KIAA1958: variants seen among roughly 807,000 people sequenced by gnomAD.
KIAA1958 encodes KIAA1958, also known as uncharacterized protein KIAA1958.
A neutral mutation model predicts 47.2 loss-of-function variants in KIAA1958; 14 were observed. The ratio of observed to expected loss-of-function variants is 0.30; its 90% CI spans 0.20 to 0.46. The LOEUF (loss-of-function observed/expected upper bound fraction) is 0.46. Among genes scored for constraint, KIAA1958 ranks in the 20% least tolerant of loss-of-function variants. The probability of loss-of-function intolerance (pLI) is 1.00; values close to 1 mark genes in which losing one functional copy is unlikely to be tolerated. For missense variants in KIAA1958, 803 were observed against 909.2 expected, an observed-to-expected ratio of 0.88 and a Z score of 1.50; for synonymous variants, 354 against 353.3, an observed-to-expected ratio of 1.00 and a Z score of -0.02.
chr9:112,629,135 G>T (rs1305809708), intron 2 of KIAA1958, among the ~76,000 whole-genome samples: 5 of 152,060 alleles, frequency 3.3e-5, no homozygotes, highest in African/African-American at 9.7e-5. Context: ...TCCCTTGGAA[G>T]TTAATTGGGA....
At chr9:112,625,071 C>G (rs1468617018) in intron 2 of KIAA1958, among the ~76,000 whole-genome samples, 3 of 152,140 alleles carry the variant, frequency 2.0e-5, no homozygotes, top group Non-Finnish European at 4.4e-5. Flanking sequence ...AGCTGCTGTT[C>G]CCTCTGGAAT....
intron 1 of KIAA1958, among the ~76,000 whole-genome samples, chr9:112,553,159 G>GCCCTCTC (rs200593191): frequency 1.8e-5 from 1 of 54,210 alleles, no homozygotes; most frequent in Non-Finnish European, 3.3e-5. Flanking sequence ...CCCCTCCCCT[G>GCCCTCTC]CCCTCTCCCC....
chr9:112,495,597 T>G (rs1834039808), intron 1 of KIAA1958, among the ~76,000 whole-genome samples: 1 of 152,230 alleles, frequency 6.6e-6, no homozygotes. Context: ...TGTAAAGTGG[T>G]ACAGCAATTT....
intron 2 of KIAA1958, among the ~76,000 whole-genome samples, chr9:112,585,264 C>T (rs1046613129): frequency 3.3e-5 from 5 of 152,156 alleles, no homozygotes; most frequent in Non-Finnish European, 7.4e-5. Context: ...AGCAGACAAA[C>T]CAACAACTTC....
chr9:112,518,725 A>G (rs1180093537), intron 1 of KIAA1958, among the ~76,000 whole-genome samples: 1 of 152,202 alleles, frequency 6.6e-6, no homozygotes, highest in Non-Finnish European at 1.5e-5. Context: ...AATTCATTGT[A>G]TTTCAATTAT....
At chr9:112,613,021 T>C (rs1166224682) in intron 2 of KIAA1958, among the ~76,000 whole-genome samples, 1 of 152,206 alleles carries the variant, frequency 6.6e-6, no homozygotes, top group Non-Finnish European at 1.5e-5. Context: ...ATAGGATGTA[T>C]AGTATGTTCC....
chr9:112,539,692 C>CG (rs1323569542), intron 1 of KIAA1958, among the ~76,000 whole-genome samples: 1 of 150,338 alleles, frequency 6.7e-6, no homozygotes, highest in Non-Finnish European at 1.5e-5. Flanking sequence ...ATTTTTTTTG[C>CG]GGGGGTGGGG....
At chr9:112,541,071 C>T (rs1215903691) in intron 1 of KIAA1958, among the ~76,000 whole-genome samples, 1 of 151,876 alleles carries the variant, frequency 6.6e-6, no homozygotes, top group Non-Finnish European at 1.5e-5. Flanking sequence ...CTTTTTGATC[C>T]ATTACTTTTT....
rs1175935190 is a variant in KIAA1958, at chr9:112,664,072, C to A, written c.*4003C>A. 6.6e-6 allele frequency: 1 copy of A among 152,266 alleles called. No individual in the cohort carries two copies. Among genetic ancestry groups the A allele is most frequent in the Non-Finnish European group, 1.5e-5 (1 of 68,042 alleles). 9.4% of individuals were successfully genotyped at this position (152,266 alleles called of 1,614,324 possible). A position where few individuals can be genotyped will look rare whatever the true frequency, so the allele number is the denominator to read the frequency against. On this transcript the variant is annotated 3_prime_UTR_variant, in exon 4 of 4. Coordinates refer to ENST00000337530, the MANE Select transcript of KIAA1958 (RefSeq NM_133465.4). ...TGGGATGGATCGTCTTCACGGTGAA[C>A]CGTGTTACACTTCTGCAATTCCTCA... is the stretch of plus-strand genomic sequence containing the variant.
chr9:112,492,726 T>C (rs1400027214), intron 1 of KIAA1958, among the ~76,000 whole-genome samples: 1 of 152,216 alleles, frequency 6.6e-6, no homozygotes, highest in Non-Finnish European at 1.5e-5. Context: ...AAATGCTTTA[T>C]TTTTAATGAC....
intron 2 of KIAA1958, among the ~76,000 whole-genome samples, chr9:112,629,870 A>G (rs929272238): frequency 6.6e-6 from 1 of 152,220 alleles, no homozygotes; most frequent in African/African-American, 2.4e-5. Context: ...TGCTTGAGTC[A>G]CAGTGTTTTG....
chr9:112,576,900 A>G (rs139862441), intron 2 of KIAA1958, among the ~76,000 whole-genome samples: 1 of 152,180 alleles, frequency 6.6e-6, no homozygotes, highest in Admixed American at 6.5e-5. Flanking sequence ...TTTGTATTTA[A>G]CTTTTTGAGG....
At chr9:112,649,815 TATC>T (rs1837030468) in intron 3 of KIAA1958, among the ~76,000 whole-genome samples, 1 of 152,172 alleles carries the variant, frequency 6.6e-6, no homozygotes, top group African/African-American at 2.4e-5. Context: ...TGAAGGAATT[TATC>T]ATCAGCAGAT....
intron 1 of KIAA1958, among the ~76,000 whole-genome samples, chr9:112,560,321 C>T (rs915030402): frequency 1.3e-5 from 2 of 151,484 alleles, no homozygotes; most frequent in South Asian, 4.2e-4. Context: ...CTCCCTCAGC[C>T]TCTCGAGTAG....
chr9:112,599,796 C>T (rs969812095), intron 2 of KIAA1958, among the ~76,000 whole-genome samples: 3 of 152,166 alleles, frequency 2.0e-5, no homozygotes, highest in Admixed American at 1.3e-4. Flanking sequence ...GGCAGCAGCT[C>T]ACTATGTATT....
intron 1 of KIAA1958, among the ~76,000 whole-genome samples, chr9:112,549,660 AG>A (rs1564168498): frequency 2.0e-5 from 3 of 152,242 alleles, no homozygotes; most frequent in Admixed American, 2.0e-4. Flanking sequence ...ATAGGGCTCC[AG>A]GGAAGCAATG....
rs1163496375 is a variant in KIAA1958 at position 112,660,002 on chromosome 9, A to T, written c.2084A>T (p.Glu695Val). ...LAKKVKLENC[E>V]NFTFVSFTQV... ...AAGAAGGTCAAGCTGGAAAACTGTG[A>T]GAACTTCACCTTTGTCTCGTTCACT... The change falls in exon 4 of 4, where the codon GAG becomes GTG. Residue 695 changes from glutamate to valine, a missense_variant. Glu to Val is a moderately radical substitution (Grantham distance 121, BLOSUM62 -2). Coordinates refer to ENST00000337530, the MANE Select transcript of KIAA1958 (RefSeq NM_133465.4). 2 of 1,614,082 alleles carry T rather than the reference A, an allele frequency of 1.2e-6. No individual in the cohort carries two copies. The highest frequency in any genetic ancestry group is 1.7e-6 in the Non-Finnish European group (2 of 1,180,046).
rs971440760 is a variant in KIAA1958, at chr9:112,667,670, C to T, written c.*7601C>T. On this transcript the variant is annotated 3_prime_UTR_variant, in exon 4 of 4. Coordinates refer to ENST00000337530, the MANE Select transcript of KIAA1958 (RefSeq NM_133465.4). ...CTCTATAGCACCAAATGCCAGGAAA[C>T]AATAGAGAATTGTGAGGGGGAAAAG... 6.6e-6 allele frequency: 1 copy of T among 152,044 alleles called. No homozygotes were observed. Among genetic ancestry groups the T allele is most frequent in the Non-Finnish European group, 1.5e-5 (1 of 67,996 alleles). The allele number at this position is 152,044 out of a possible 1,614,324, so 9.4% of individuals were successfully genotyped here.
intron 2 of KIAA1958, among the ~76,000 whole-genome samples, chr9:112,588,499 A>G (rs2131187636): frequency 6.6e-6 from 1 of 152,364 alleles, no homozygotes; most frequent in East Asian, 1.9e-4. Context: ...ATGTTCCGCA[A>G]AGAAAGAAAA....
Sources: gnomAD v4.1 joint callset for allele counts (sites outside exome capture counted in the v4.1 genomes callset) on GRCh38, gnomAD v4.1.1 for gene constraint, MANE v1.5 for transcripts, NCBI Gene and HGNC (gene_info 2026-07-23, HGNC 2026-07-21) for gene names.